The following GRK5 variants were observed in gnomAD, a reference collection of about 807,000 sequenced individuals.
GRK5 encodes G protein-coupled receptor kinase 5, also known as g protein-coupled receptor kinase GRK5.
Under a neutral mutation model 78.4 loss-of-function variants are expected in GRK5, and 40 were observed. That is an observed-to-expected ratio of 0.51 (90% CI 0.40 to 0.66). GRK5 has a LOEUF of 0.66. Ranked by LOEUF, GRK5 falls within the 30% of genes least tolerant of loss-of-function variation. GRK5 has a pLI of 0.00. For missense variants in GRK5, 598 were observed against 759.9 expected, an observed-to-expected ratio of 0.79 and a Z score of 2.50; for synonymous variants, 289 against 296.8, an observed-to-expected ratio of 0.97 and a Z score of 0.27.
chr10:119,271,532 CG>C lies in GRK5; in HGVS notation c.53-54980del, dbSNP rs781151285. 6.6e-6 allele frequency among the ~76,000 whole-genome samples: 1 copy of C among 152,198 alleles called. No individual in the cohort carries two copies. On this transcript the variant is annotated intron_variant, in intron 1 of 15. Coordinates refer to ENST00000392870, the MANE Select transcript of GRK5 (RefSeq NM_005308.3). The surrounding 1 kb of genome is among the most constrained non-coding windows in gnomAD (Gnocchi z 4.1). ...ACAAAGAGGAATTTGGAGCCCTGGA[CG>C]GGGTGGCTGCACTGAGTCACCAGCT...
chr10:119,420,538 C>G (rs1174283298), intron 4 of GRK5, among the ~76,000 whole-genome samples: 1 of 151,262 alleles, frequency 6.6e-6, no homozygotes, highest in Non-Finnish European at 1.5e-5. Context: ...ACCACACTAG[C>G]TCCATCTCTT....
intron 1 of GRK5, among the ~76,000 whole-genome samples, chr10:119,223,574 A>G (rs907883511): frequency 2.6e-5 from 4 of 152,140 alleles, no homozygotes; most frequent in East Asian, 1.9e-4. Context: ...CGGGTCCCCA[A>G]ATAGGACTCT....
chr10:119,442,910 T>TGGA (rs1564937155), intron 11 of GRK5, among the ~76,000 whole-genome samples: 6 of 152,080 alleles, frequency 3.9e-5, no homozygotes, highest in South Asian at 2.1e-4. Flanking sequence ...GGATGGATGG[T>TGGA]TGGATGGATG....
At chr10:119,259,068 T>TC (rs1471815964) in intron 1 of GRK5, among the ~76,000 whole-genome samples, 70 of 148,236 alleles carry the variant, frequency 4.7e-4, no homozygotes, top group Non-Finnish European at 8.5e-4. Context: ...TCTTTTTCTT[T>TC]TTTTTTTTTT....
At chr10:119,250,779 G>A (rs1002297725) in intron 1 of GRK5, among the ~76,000 whole-genome samples, 1 of 152,096 alleles carries the variant, frequency 6.6e-6, no homozygotes, top group Non-Finnish European at 1.5e-5. Flanking sequence ...ATCTCCTCTT[G>A]CTCTGAGTAA....
In GRK5 at chr10:119,217,810, C is replaced by T. The variant is rs181478893; in HGVS notation, c.52+9841C>T. On this transcript the variant is annotated intron_variant, in intron 1 of 15. Coordinates refer to ENST00000392870, the MANE Select transcript of GRK5 (RefSeq NM_005308.3). The surrounding 1 kb of genome is among the most constrained non-coding windows in gnomAD (Gnocchi z 4.1). ...CGCTTACTGCTCCTTAGGAGGTTCT[C>T]GCCCTCAGTTACCTCTGCCTGACAG... Among the ~76,000 whole-genome samples, 41 of 152,344 alleles carry T rather than the reference C, an allele frequency of 2.7e-4. No individual in the cohort carries two copies. The highest frequency in any genetic ancestry group is 9.6e-4 in the East Asian group (5 of 5,192).
intron 1 of GRK5, among the ~76,000 whole-genome samples, chr10:119,268,622 G>A (rs571233126): frequency 2.0e-5 from 3 of 152,338 alleles, no homozygotes; most frequent in East Asian, 1.9e-4. Flanking sequence ...AAATGGGTAC[G>A]ATAATAGGGT....
rs141861688 is a variant in GRK5 at position 119,236,852 on chromosome 10, G to A, written c.52+28883G>A. 1.8e-3 allele frequency among the ~76,000 whole-genome samples: 275 copies of A among 151,790 alleles called. 1 individual carries two copies. Among genetic ancestry groups the A allele is most frequent in the East Asian group, 6.1e-3 (31 of 5,118 alleles). Reference sequence around the variant, plus strand: ...TTGCCATGTTATCCAGGCTGGTCTCGAACTCCTGACCTCAGGTGATCCACC... The same window carrying A: ...TTGCCATGTTATCCAGGCTGGTCTCAAACTCCTGACCTCAGGTGATCCACC... On this transcript the variant is annotated intron_variant, in intron 1 of 15. Transcript: ENST00000392870.
At chr10:119,262,457 G>GC (rs893738267) in intron 1 of GRK5, among the ~76,000 whole-genome samples, 2 of 140,250 alleles carry the variant, frequency 1.4e-5, no homozygotes, top group Non-Finnish European at 3.0e-5. Context: ...TCCTGCCTCA[G>GC]CCCCCCGAGT....
chr10:119,370,586 A>G (rs1463015596), intron 2 of GRK5, among the ~76,000 whole-genome samples: 2 of 152,224 alleles, frequency 1.3e-5, no homozygotes, highest in Non-Finnish European at 2.9e-5. Flanking sequence ...GCGCCTTCCA[A>G]GGGGCGGGCT....
intron 4 of GRK5, chr10:119,406,564 C>A: frequency 1.4e-6 from 1 of 731,240 alleles, no homozygotes; most frequent in Non-Finnish European, 1.7e-6. Flanking sequence ...GATTGCCCGG[C>A]CCTCATTTCC....
chr10:119,236,547 C>T (rs895459109), intron 1 of GRK5, among the ~76,000 whole-genome samples: 4 of 152,170 alleles, frequency 2.6e-5, no homozygotes, highest in Admixed American at 1.3e-4. Context: ...GGAAATTTCA[C>T]GTAACCTTTC....
chr10:119,233,662 A>G (rs553726233), intron 1 of GRK5, among the ~76,000 whole-genome samples: 18 of 152,128 alleles, frequency 1.2e-4, no homozygotes, highest in Non-Finnish European at 2.4e-4. Context: ...ATTCAGGGTT[A>G]AAAGTCACAT....
intron 9 of GRK5, 71 bp from the exon 10 acceptor site, chr10:119,439,660 C>A: frequency 6.7e-7 from 1 of 1,485,660 alleles, no homozygotes; most frequent in South Asian, 1.1e-5. Flanking sequence ...CCCGAGGGGT[C>A]GACCCAGATG....
chr10:119,436,171 G>A (rs2133900433), intron 8 of GRK5, among the ~76,000 whole-genome samples: 1 of 152,358 alleles, frequency 6.6e-6, no homozygotes, highest in Middle Eastern at 3.4e-3. Flanking sequence ...GGCACATCCT[G>A]CATGCAAGAG....
At chr10:119,384,540 T>C (rs1851762096) in intron 3 of GRK5, among the ~76,000 whole-genome samples, 1 of 152,220 alleles carries the variant, frequency 6.6e-6, no homozygotes, top group Non-Finnish European at 1.5e-5. Context: ...TTCTTACCGC[T>C]CACAACCATG....
At chr10:119,297,303 C>G (rs573403596) in intron 1 of GRK5, among the ~76,000 whole-genome samples, 1 of 152,254 alleles carries the variant, frequency 6.6e-6, no homozygotes, top group South Asian at 2.1e-4. Flanking sequence ...GAAAGTTTGG[C>G]GAATGTTAGT....
Position 119,347,070 on chromosome 10 carries a change from G to A in GRK5, c.148+20459G>A, listed in dbSNP as rs373204527. On this transcript the variant is annotated intron_variant, in intron 2 of 15. Transcript: ENST00000392870. ...GCTCAGTCCTGAGGGCTGAGGTGTGGCCGGCACCTGGTTTATCTGAGAGGG... is the reference window on the plus strand; with the variant it reads ...GCTCAGTCCTGAGGGCTGAGGTGTGACCGGCACCTGGTTTATCTGAGAGGG... Among the ~76,000 whole-genome samples the A allele has an allele frequency of 5.9e-5, 9 of 152,280 alleles. No homozygotes were observed. The East Asian group carries it at 9.6e-4, about 16-fold the overall frequency.
At chr10:119,209,534 T>G (rs1848451048) in intron 1 of GRK5, among the ~76,000 whole-genome samples, 1 of 133,856 alleles carries the variant, frequency 7.5e-6, no homozygotes, top group Non-Finnish European at 1.6e-5. Flanking sequence ...ACATTTTTAG[T>G]GGACAGGATC....
Sources: allele counts gnomAD v4.1 joint callset (sites outside exome capture counted in the v4.1 genomes callset), GRCh38; gene constraint gnomAD v4.1.1; non-coding constraint Gnocchi (gnomAD v3.1); transcripts MANE v1.5; gene names NCBI Gene and HGNC (gene_info 2026-07-23, HGNC 2026-07-21).